The following ABL2 variants were observed in gnomAD, a reference collection of about 807,000 sequenced individuals.
ABL2 encodes the protein tyrosine-protein kinase ABL2.
In ABL2, 49 loss-of-function variants were observed where a neutral mutation model predicts 107.7. That is an observed-to-expected ratio of 0.45 (90% CI 0.36 to 0.58). The LOEUF (loss-of-function observed/expected upper bound fraction) is 0.58. ABL2 is among the 20% of genes least tolerant of loss of function. The probability of loss-of-function intolerance (pLI) is 0.00; values close to 1 mark genes in which losing one functional copy is unlikely to be tolerated. For missense variants in ABL2, 1,245 were observed against 1,457.0 expected, an observed-to-expected ratio of 0.85 and a Z score of 2.37; for synonymous variants, 549 against 548.6, an observed-to-expected ratio of 1.00 and a Z score of -0.01.
chr1:179,203,584 T>A (rs1485124955), intron 1 of ABL2, among the ~76,000 whole-genome samples: 5 of 152,148 alleles, frequency 3.3e-5, no homozygotes, highest in Admixed American at 6.6e-5. Context: ...ATAACCTCTA[T>A]TTGTATTATT....
intron 1 of ABL2, among the ~76,000 whole-genome samples, chr1:179,209,300 C>T (rs1662144978): frequency 1.3e-5 from 2 of 152,126 alleles, no homozygotes; most frequent in Non-Finnish European, 2.9e-5. Flanking sequence ...TTGCTAAGTT[C>T]CCCCCAGGTT....
intron 1 of ABL2, among the ~76,000 whole-genome samples, chr1:179,187,524 A>T (rs934468538): frequency 3.3e-5 from 5 of 152,206 alleles, no homozygotes; most frequent in African/African-American, 1.2e-4. Context: ...AAAAAAAATT[A>T]TTGTATGCTA....
rs576962874 is a variant in ABL2, at chr1:179,195,249, C to T, written c.157+33992G>A. Among the ~76,000 whole-genome samples, 3 of 152,300 alleles carry T rather than the reference C, an allele frequency of 2.0e-5. No individual in the cohort carries two copies. In the East Asian group the frequency reaches 5.8e-4, roughly 29 times the overall value. ...GTTGCAGTGAGCTGAGATCGCACCACTGCACTCCAGCCTGGGCAACACAGT... is the reference window on the plus strand; with the variant it reads ...GTTGCAGTGAGCTGAGATCGCACCATTGCACTCCAGCCTGGGCAACACAGT... On this transcript the variant is annotated intron_variant, in intron 1 of 11. Transcript: ENST00000502732.
At position 179,107,362 on chromosome 1, in the gene ABL2, G is replaced by A. The variant is rs188939668; in HGVS notation, c.*356C>T. On this transcript the variant is annotated 3_prime_UTR_variant, in exon 12 of 12. Transcript: ENST00000502732. ...ACCTACCAGAGCCCCAGGTCTGGGT[G>A]CAGCTGCTGCAGTCTTGCTGAGAGC... 9.4e-5 allele frequency: 26 copies of A among 277,922 alleles called. No homozygotes were observed. In the East Asian group the frequency reaches 1.4e-3, roughly 14 times the overall value. 17.2% of individuals were successfully genotyped at this position (277,922 alleles called of 1,614,324 possible).
rs747519676 is a variant in ABL2, at chr1:179,203,885, G to C, written c.157+25356C>G. Among the ~76,000 whole-genome samples, 20 of 152,266 alleles carry C rather than the reference G, an allele frequency of 1.3e-4. 1 individual carries two copies. Among genetic ancestry groups the C allele is most frequent in the Admixed American group, 1.0e-3 (16 of 15,294 alleles). ...TTCTCTTTACTACTTCCTTGGCTGT[G>C]TGGCCTTGCGCACGTTATTTAACAT... is the stretch of plus-strand genomic sequence containing the variant. On this transcript the variant is annotated intron_variant, in intron 1 of 11. Coordinates refer to ENST00000502732, the MANE Select transcript of ABL2 (RefSeq NM_007314.4).
intron 1 of ABL2, among the ~76,000 whole-genome samples, chr1:179,151,303 T>C (rs1320520977): frequency 1.3e-5 from 2 of 152,216 alleles, no homozygotes; most frequent in South Asian, 2.1e-4. Context: ...TCAAATCCTA[T>C]ATTTCTTTCA....
At chr1:179,116,503 T>C (rs1654641187) in intron 8 of ABL2, among the ~76,000 whole-genome samples, 1 of 151,946 alleles carries the variant, frequency 6.6e-6, no homozygotes, top group African/African-American at 2.4e-5. Context: ...TTTAAAACTT[T>C]CTTCTTTCTT....
At chr1:179,195,772 G>C (rs1661274523) in intron 1 of ABL2, among the ~76,000 whole-genome samples, 1 of 152,172 alleles carries the variant, frequency 6.6e-6, no homozygotes, top group African/African-American at 2.4e-5. Flanking sequence ...TAAATGAAAT[G>C]AGCCAGTTAC....
intron 1 of ABL2, among the ~76,000 whole-genome samples, chr1:179,156,926 TAAATAAAA>T (rs1292943526): frequency 1.3e-4 from 14 of 110,564 alleles, no homozygotes; most frequent in African/African-American, 1.9e-4. Flanking sequence ...AATAAATAAA[TAAATAAAA>T]CTCTATTAAA....
chr1:179,109,446 T>G lies in ABL2; in HGVS notation c.1826-5A>C, dbSNP rs1653826121. On this transcript the variant is annotated splice_polypyrimidine_tract_variant and splice_region_variant and intron_variant, in intron 11 of 11. Coordinates refer to ENST00000502732, the MANE Select transcript of ABL2 (RefSeq NM_007314.4). ...CCTGTGCACCTCTGATGAACCCTGA[T>G]GAGAAATGGCCGATCAGTAACTTAA... The G allele has an allele frequency of 6.2e-7, 1 of 1,600,714 alleles. No homozygotes were observed. The highest frequency in any genetic ancestry group is 1.4e-5 in the African/African-American group (1 of 73,996).
intron 4 of ABL2, among the ~76,000 whole-genome samples, chr1:179,125,051 A>T (rs1031838720): frequency 6.6e-6 from 1 of 152,154 alleles, no homozygotes; most frequent in East Asian, 1.9e-4. Context: ...GAAGTTGTTG[A>T]GTCAGCTAAC....
chr1:179,115,641 T>C (rs1161790852), intron 8 of ABL2, among the ~76,000 whole-genome samples: 1 of 152,034 alleles, frequency 6.6e-6, no homozygotes. Context: ...AGATTATATA[T>C]CCAGGGCTTG....
rs1656311917 is a variant in ABL2 at position 179,131,415 on chromosome 1, C to A, written c.287G>T (p.Ser96Ile). ...PQALNEAIRW[S>I]SKENLLGATE... ...GGCTCCGAGCAAGTTCTCCTTGGAG[C>A]TCCACCTGATAGCCTCATTTAGTGC... The change falls in exon 3 of 12, where the codon AGC (serine) becomes ATC (isoleucine). Residue 96 changes from serine (S) to isoleucine (I), a missense_variant. This residue lies in a region of ABL2 where 164 missense variants were observed against 143.7 expected (regional missense o/e 1.14). Coordinates refer to ENST00000502732, the MANE Select transcript of ABL2 (RefSeq NM_007314.4). The A allele has an allele frequency of 4.3e-6, 7 of 1,614,146 alleles. No homozygotes were observed. The highest frequency in any genetic ancestry group is 5.9e-6 in the Non-Finnish European group (7 of 1,179,982).
rs763286777 is a variant in ABL2, at chr1:179,121,724, G to A, written c.831C>T (p.Ile277=). The change falls in exon 5 of 12, where the codon ATC becomes ATT. Residue 277 remains isoleucine (I), a synonymous_variant. Transcript: ENST00000502732. ...TTCGCTCCATTTCCCATTTGTCGTGGATGGGGGACACACCATAGACTGTAG... is the reference window on the plus strand; with the variant it reads ...TTCGCTCCATTTCCCATTTGTCGTGAATGGGGGACACACCATAGACTGTAG... ...NKPTVYGVSP[I]HDKWEMERTD... is the part of the protein sequence containing the mutation. 6.2e-7 allele frequency: 1 copy of A among 1,614,028 alleles called. No individual in the cohort carries two copies. The highest frequency in any genetic ancestry group is 2.2e-5 in the East Asian group (1 of 44,860).
chr1:179,102,023 T>TTTTTTTTTG lies in ABL2; in HGVS notation c.*5686_*5694dup. The TTTTTTTTTG allele has an allele frequency of 7.5e-6, 1 of 133,998 alleles. No homozygotes were observed. 8.3% of individuals were successfully genotyped at this position (133,998 alleles called of 1,614,324 possible). On this transcript the variant is annotated 3_prime_UTR_variant, in exon 12 of 12. Coordinates refer to ENST00000502732, the MANE Select transcript of ABL2 (RefSeq NM_007314.4). ...TTTTTTTTTTTTTTTTTTTTTTTTT[T>TTTTTTTTTG]TTTTTTTTGAGACGGAGTCTCACTG...
chr1:179,229,208 C>A, intron 1 of ABL2, 33 bp downstream of exon 1: 2 of 1,488,056 alleles, frequency 1.3e-6, no homozygotes, highest in Non-Finnish European at 1.8e-6. Context: ...CGGCCTCCCC[C>A]ACGCTCTCAT....
At chr1:179,130,302 A>G (rs750243620) in intron 3 of ABL2, among the ~76,000 whole-genome samples, 1 of 152,256 alleles carries the variant, frequency 6.6e-6, no homozygotes, top group Non-Finnish European at 1.5e-5. Context: ...ACTGCTACTC[A>G]GAATGTCTGC....
intron 1 of ABL2, among the ~76,000 whole-genome samples, chr1:179,147,279 A>C (rs1658064627): frequency 6.6e-6 from 1 of 151,380 alleles, no homozygotes; most frequent in Non-Finnish European, 1.5e-5. Context: ...GTAAGTTAGC[A>C]CAACCTCTAC....
chr1:179,111,775 G>A (rs1654103576), intron 10 of ABL2, among the ~76,000 whole-genome samples: 1 of 152,116 alleles, frequency 6.6e-6, no homozygotes, highest in African/African-American at 2.4e-5. Context: ...CGGGCGCTGT[G>A]GCTCACACAT....
Sources: allele counts gnomAD v4.1 joint callset (sites outside exome capture counted in the v4.1 genomes callset), GRCh38; gene constraint gnomAD v4.1.1; regional missense constraint gnomAD v4.1.1; transcripts MANE v1.5; gene names NCBI Gene and HGNC (gene_info 2026-07-23, HGNC 2026-07-21).